NEBL: variants seen among roughly 807,000 people sequenced by gnomAD.
The protein encoded by NEBL is nebulette.
A neutral mutation model predicts 140.2 loss-of-function variants in NEBL; 122 were observed. That is an observed-to-expected ratio of 0.87 (90% CI 0.75 to 1.01). NEBL has a LOEUF of 1.01. Ranked by LOEUF, NEBL falls within the 50% of genes least tolerant of loss-of-function variation. The probability of loss-of-function intolerance (pLI) is 0.00; values close to 1 mark genes in which losing one functional copy is unlikely to be tolerated. For synonymous variants in NEBL, 436 were observed against 398.9 expected (o/e 1.09, Z -1.11); for missense variants, 1,365 against 1,231.3 (o/e 1.11, Z -1.62).
rs188480643 is a variant in NEBL at position 21,058,901 on chromosome 10, T to C, written c.165-38700A>G. ...TGTGCTGAGTATTAGGTTTGGCTCC[T>C]ACTAATTGTGTAAAGTTGAGCAGGT... On this transcript the variant is annotated intron_variant, in intron 2 of 6. Coordinates refer to the NEBL transcript ENST00000417816. 1.2e-4 allele frequency among the ~76,000 whole-genome samples: 19 copies of C among 152,348 alleles called. 1 individual carries two copies. The highest frequency in any genetic ancestry group is 4.3e-4 in the African/African-American group (18 of 41,582).
At chr10:20,889,775 G>T in intron 3 of NEBL, 70 bp downstream of exon 3, 1 of 932,348 alleles carries the variant, frequency 1.1e-6, no homozygotes, top group Non-Finnish European at 1.8e-6. Flanking sequence ...TCTCTTTAAT[G>T]CACAGACTTT....
At chr10:21,073,477 C>T (rs776831764) in intron 2 of NEBL, among the ~76,000 whole-genome samples, 2 of 151,888 alleles carry the variant, frequency 1.3e-5, no homozygotes, top group Middle Eastern at 3.4e-3. Flanking sequence ...ATTAGGCAGG[C>T]TTGGTGGCAC....
chr10:21,169,066 AAATATATATATATATATATATATATATAT>A (rs1268351583), intron 2 of NEBL, among the ~76,000 whole-genome samples: 1 of 50,940 alleles, frequency 2.0e-5, no homozygotes, highest in Non-Finnish European at 3.7e-5. Flanking sequence ...AAAAAAAAAA[AAATATATATATATATATATATATATATAT>A]ATATATATAT....
chr10:21,105,955 T>G (rs1433704803), intron 2 of NEBL, among the ~76,000 whole-genome samples: 1 of 152,198 alleles, frequency 6.6e-6, no homozygotes, highest in Non-Finnish European at 1.5e-5. Flanking sequence ...GAGCATTTTT[T>G]CATGTGTCTG....
At chr10:21,181,864 A>G (rs1453202971) in intron 3 of NEBL, among the ~76,000 whole-genome samples, 1 of 152,240 alleles carries the variant, frequency 6.6e-6, no homozygotes, top group Non-Finnish European at 1.5e-5. Context: ...ATTCCAAAGA[A>G]AAACATGTTG....
At chr10:21,013,702 T>A (rs642446) in intron 3 of NEBL, among the ~76,000 whole-genome samples, 85,987 of 151,952 alleles carry the variant, frequency 0.57, 26,595 homozygotes, top group African/African-American at 0.81. Flanking sequence ...ACATGGTGAA[T>A]CCCCATCTCT....
intron 4 of NEBL, among the ~76,000 whole-genome samples, chr10:20,917,964 T>G (rs1437143865): frequency 6.6e-6 from 1 of 152,154 alleles, no homozygotes; most frequent in African/African-American, 2.4e-5. Flanking sequence ...ACATTTCTGG[T>G]AAAATACTAA....
At position 20,840,732 on chromosome 10, in the gene NEBL, T is replaced by C; in HGVS notation, c.1338+7A>G. The C allele has an allele frequency of 1.3e-6, 2 of 1,573,864 alleles. No individual in the cohort carries two copies. Among genetic ancestry groups the C allele is most frequent in the Non-Finnish European group, 1.7e-6 (2 of 1,144,046 alleles). ...ATTCATCTAAGGTGTTAAATAAACA[T>C]ACTCACCTCACTTGCCATTTCAGAG... On this transcript the variant is annotated splice_region_variant and intron_variant, in intron 13 of 27. Transcript: ENST00000377122.
intron 2 of NEBL, among the ~76,000 whole-genome samples, chr10:21,105,644 C>T (rs1171168164): frequency 2.6e-5 from 4 of 152,124 alleles, no homozygotes; most frequent in African/African-American, 7.2e-5. Context: ...CTGCAGTAAA[C>T]ATATGTGTGC....
chr10:21,043,163 C>T (rs1453969646), intron 2 of NEBL, among the ~76,000 whole-genome samples: 6 of 152,262 alleles, frequency 3.9e-5, no homozygotes, highest in East Asian at 1.9e-4. Flanking sequence ...GGGTCTCAGA[C>T]GATATCCCAG....
At chr10:20,931,677 G>A (rs925059269) in intron 4 of NEBL, among the ~76,000 whole-genome samples, 5 of 152,054 alleles carry the variant, frequency 3.3e-5, no homozygotes, top group Admixed American at 1.3e-4. Context: ...CATGCAGGGC[G>A]CAGAAGTTAG....
chr10:21,219,316 G>A (rs1842037109), intron 3 of NEBL, among the ~76,000 whole-genome samples: 1 of 152,186 alleles, frequency 6.6e-6, no homozygotes, highest in Non-Finnish European at 1.5e-5. Context: ...CTGACTTAAA[G>A]CCTAGAATTT....
chr10:20,835,100 T>C (rs1230017451), intron 14 of NEBL, among the ~76,000 whole-genome samples: 1 of 152,216 alleles, frequency 6.6e-6, no homozygotes, highest in Non-Finnish European at 1.5e-5. Flanking sequence ...GGAATGACTA[T>C]TGTTCTCATG....
intron 22 of NEBL, among the ~76,000 whole-genome samples, chr10:20,814,617 T>TACACACACACACACAC (rs3990287): frequency 0.012 from 1,781 of 146,506 alleles, 41 homozygotes; most frequent in African/African-American, 0.041. Context: ...CATACACACA[T>TACACACACACACACAC]ACACACACAC....
At chr10:21,183,061 G>C (rs995218605) in intron 3 of NEBL, among the ~76,000 whole-genome samples, 7 of 152,150 alleles carry the variant, frequency 4.6e-5, no homozygotes, top group African/African-American at 1.7e-4. Flanking sequence ...GGCAGGATTT[G>C]CATCTGCTTA....
At chr10:20,931,610 C>A (rs1834188430) in intron 4 of NEBL, among the ~76,000 whole-genome samples, 2 of 152,170 alleles carry the variant, frequency 1.3e-5, no homozygotes, top group African/African-American at 4.8e-5. Context: ...CCTTGGCCTG[C>A]CTAGGGCGGT....
chr10:21,118,753 CT>C (rs1295031918), intron 2 of NEBL, among the ~76,000 whole-genome samples: 3 of 152,078 alleles, frequency 2.0e-5, no homozygotes, highest in African/African-American at 7.2e-5. Flanking sequence ...CGAAATGAGT[CT>C]TAATAAAGCC....
chr10:21,057,946 T>C (rs958469622), intron 2 of NEBL, among the ~76,000 whole-genome samples: 1 of 152,182 alleles, frequency 6.6e-6, no homozygotes, highest in African/African-American at 2.4e-5. Context: ...CATATAATCG[T>C]GAACACCAGC....
intron 4 of NEBL, among the ~76,000 whole-genome samples, chr10:20,912,314 G>A (rs1022005951): frequency 5.3e-5 from 8 of 152,220 alleles, no homozygotes; most frequent in African/African-American, 1.9e-4. Context: ...AGCTGGGTGT[G>A]GTGGTGTGTG....
Sources: gnomAD v4.1 joint callset for allele counts (sites outside exome capture counted in the v4.1 genomes callset) on GRCh38, gnomAD v4.1.1 for gene constraint, MANE v1.5 for transcripts, NCBI Gene and HGNC (gene_info 2026-07-23, HGNC 2026-07-21) for gene names.